Variants in DCTD observed in about 807,000 individuals in gnomAD.
The protein encoded by DCTD is dCMP deaminase.
Under a neutral mutation model 21.0 loss-of-function variants are expected in DCTD, and 23 were observed. The ratio of observed to expected loss-of-function variants is 1.09; its 90% confidence interval spans 0.79 to 1.55. The LOEUF is 1.55. Among genes scored for constraint, DCTD ranks in the 40% most tolerant of loss-of-function variants. DCTD has a pLI of 0.00. For synonymous variants in DCTD, 71 were observed against 81.1 expected (o/e 0.88, Z 0.67); for missense variants, 224 against 230.0 (o/e 0.97, Z 0.17).
intron 3 of DCTD, among the ~76,000 whole-genome samples, chr4:182,900,246 G>A (rs1048193792): frequency 6.6e-6 from 1 of 151,940 alleles, no homozygotes; most frequent in Non-Finnish European, 1.5e-5. Context: ...AGCCCAGGAG[G>A]TCAAGGCTGC....
intron 3 of DCTD, among the ~76,000 whole-genome samples, chr4:182,896,506 C>A (rs6834019): frequency 0.14 from 20,574 of 152,212 alleles, 2,667 homozygotes; most frequent in African/African-American, 0.34. Context: ...ATCAGAGAAT[C>A]ATCTTCGCTG....
chr4:182,910,977 G>A (rs906024982), intron 3 of DCTD, among the ~76,000 whole-genome samples: 4 of 152,200 alleles, frequency 2.6e-5, no homozygotes, highest in African/African-American at 9.6e-5. Flanking sequence ...TAAGCTGTAT[G>A]TTATTTGGTA....
intron 3 of DCTD, among the ~76,000 whole-genome samples, chr4:182,913,636 A>G (rs13143433): frequency 0.063 from 9,531 of 152,304 alleles, 359 homozygotes; most frequent in South Asian, 0.1. Flanking sequence ...TGGCCTGAAG[A>G]CACAATCTTT....
At chr4:182,901,779 A>T (rs867978795) in intron 3 of DCTD, among the ~76,000 whole-genome samples, 1,501 of 113,100 alleles carry the variant, frequency 0.013, 26 homozygotes, top group African/African-American at 0.062. Context: ...CTGTGCATTA[A>T]AAAAAAAAAA....
chr4:182,905,962 AC>A (rs1736638384), intron 3 of DCTD, among the ~76,000 whole-genome samples: 1 of 151,442 alleles, frequency 6.6e-6, no homozygotes. Flanking sequence ...TACCTCTTCC[AC>A]CCTTTATCAC....
intron 2 of DCTD, 146 bp from the exon 3 acceptor site, chr4:182,915,204 G>T: frequency 1.8e-6 from 2 of 1,084,472 alleles, no homozygotes; most frequent in Non-Finnish European, 2.6e-6. Flanking sequence ...CTCCTTGCCT[G>T]GTTTTTTGTG....
rs149989118 is a variant in DCTD at position 182,909,983 on chromosome 4, T to C, written c.244+4940A>G. Among the ~76,000 whole-genome samples the C allele has an allele frequency of 2.4e-4, 37 of 152,354 alleles. No homozygotes were observed. In the East Asian group the frequency reaches 7.1e-3, roughly 29 times the overall value. On this transcript the variant is annotated intron_variant, in intron 3 of 5. Transcript: ENST00000438320. ...AATTCCAGGTTTTTCAGCATTTTCC[T>C]TCCCAGCATTACATCCTTTTTAGAG...
At chr4:182,908,706 G>A (rs200947114) in intron 3 of DCTD, among the ~76,000 whole-genome samples, 114 of 109,722 alleles carry the variant, frequency 1.0e-3, no homozygotes, top group Middle Eastern at 5.1e-3. Context: ...AAAAAAAAAA[G>A]AAGAAGAAGA....
intron 5 of DCTD, among the ~76,000 whole-genome samples, chr4:182,892,488 C>T (rs1381078171): frequency 6.6e-6 from 1 of 152,038 alleles, no homozygotes; most frequent in African/African-American, 2.4e-5. Flanking sequence ...CCCGTCTCTA[C>T]TGAAAGTACA....
intron 1 of DCTD, 76 bp from the exon 2 acceptor site, chr4:182,915,651 C>T: frequency 2.0e-6 from 2 of 1,014,914 alleles, no homozygotes; most frequent in East Asian, 2.4e-5. Context: ...AACCCAACCA[C>T]ACTGAACCTT....
chr4:182,892,543 C>T (rs184232086), intron 5 of DCTD, among the ~76,000 whole-genome samples: 1,570 of 152,010 alleles, frequency 0.01, 18 homozygotes, highest in Middle Eastern at 0.065. Flanking sequence ...GCAGGAGAAC[C>T]GCTTGAACCT....
chr4:182,905,261 A>ACC (rs1197402854), intron 3 of DCTD, among the ~76,000 whole-genome samples: 1 of 151,058 alleles, frequency 6.6e-6, no homozygotes, highest in Non-Finnish European at 1.5e-5. Flanking sequence ...ACGTTGCTGA[A>ACC]CCCCATGAAC....
intron 3 of DCTD, among the ~76,000 whole-genome samples, chr4:182,895,220 C>T (rs1156772726): frequency 6.6e-6 from 1 of 152,110 alleles, no homozygotes; most frequent in Non-Finnish European, 1.5e-5. Flanking sequence ...TACAGACGTG[C>T]CACCAAGCCC....
At chr4:182,896,094 C>T (rs940310927) in intron 3 of DCTD, among the ~76,000 whole-genome samples, 1 of 152,238 alleles carries the variant, frequency 6.6e-6, no homozygotes, top group African/African-American at 2.4e-5. Flanking sequence ...CAACCTTCTA[C>T]ACGTAACACT....
chr4:182,907,917 T>G (rs573924927), intron 3 of DCTD, among the ~76,000 whole-genome samples: 1 of 152,330 alleles, frequency 6.6e-6, no homozygotes, highest in African/African-American at 2.4e-5. Context: ...CTGGAACCCT[T>G]GGCTCCTTAC....
chr4:182,915,352 C>A, intron 2 of DCTD, 109 bp downstream of exon 2: 1 of 825,708 alleles, frequency 1.2e-6, no homozygotes, highest in Non-Finnish European at 2.1e-6. Context: ...GGCAGACCGA[C>A]CCTGCACTTT....
intron 3 of DCTD, 76 bp from the exon 4 acceptor site, chr4:182,894,681 A>G: frequency 1.2e-6 from 1 of 869,308 alleles, no homozygotes; most frequent in Non-Finnish European, 2.0e-6. Context: ...AACACATTCC[A>G]TTCCCCCCTC....
upstream of DCTD, chr4:182,917,469 C>T (rs1447820276): frequency 5.1e-6 from 2 of 393,766 alleles, no homozygotes; most frequent in African/African-American, 4.5e-5. The surrounding 1 kb of genome is among the most constrained non-coding windows in gnomAD (Gnocchi z 4.9). Context: ...CCCGGGGGCC[C>T]GAAGCCCTGA....
rs1424334967 is a variant in DCTD at position 182,901,471 on chromosome 4, T to C, written c.245-6866A>G. Among the ~76,000 whole-genome samples, 7 of 152,314 alleles carry C rather than the reference T, an allele frequency of 4.6e-5. No individual in the cohort carries two copies. In the East Asian group the frequency reaches 1.4e-3, roughly 29 times the overall value. Reference sequence around the variant, plus strand: ...TTCTGCCAAAGCTGACCTGAACAGGTGGCAGCCTGGTGTGGTGGCTCCCGC... The same window carrying C: ...TTCTGCCAAAGCTGACCTGAACAGGCGGCAGCCTGGTGTGGTGGCTCCCGC... On this transcript the variant is annotated intron_variant, in intron 3 of 5. Transcript: ENST00000438320.
Sources: allele counts gnomAD v4.1 joint callset (sites outside exome capture counted in the v4.1 genomes callset), GRCh38; gene constraint gnomAD v4.1.1; non-coding constraint Gnocchi (gnomAD v3.1); transcripts MANE v1.5; gene names NCBI Gene and HGNC (gene_info 2026-07-23, HGNC 2026-07-21).